The following PLEKHG6 variants were observed in gnomAD, a reference collection of about 807,000 sequenced individuals.
PLEKHG6 encodes the protein pleckstrin homology domain-containing family G member 6.
A neutral mutation model predicts 97.5 loss-of-function variants in PLEKHG6; 91 were observed. That is an observed-to-expected ratio of 0.93 (90% CI 0.79 to 1.11). The LOEUF (loss-of-function observed/expected upper bound fraction) is 1.11, where lower values mean the gene tolerates loss of function less well. PLEKHG6 is among the 50% of genes most tolerant of loss of function. The pLI is 0.00. For synonymous variants in PLEKHG6, 466 were observed against 425.5 expected (o/e 1.10, Z -1.17); for missense variants, 1,044 against 1,031.0 (o/e 1.01, Z -0.17).
intron 13 of PLEKHG6, among the ~76,000 whole-genome samples, chr12:6,320,262 G>A (rs1254326160): frequency 1.3e-5 from 2 of 152,174 alleles, no homozygotes; most frequent in Non-Finnish European, 2.9e-5. Context: ...AGTGATGTGA[G>A]CAGATAAAAA....
chr12:6,310,951 G>C (rs984866407), intron 1 of PLEKHG6, 103 bp downstream of exon 1: 3 of 152,440 alleles, frequency 2.0e-5, no homozygotes, highest in African/African-American at 7.2e-5. Flanking sequence ...CCGAAGGCGG[G>C]AGGAGGGGAG....
At chr12:6,319,694 T>C in intron 13 of PLEKHG6, 2 of 1,528,808 alleles carry the variant, frequency 1.3e-6, no homozygotes, top group Non-Finnish European at 1.7e-6. Context: ...CCTGAAATGA[T>C]TAACTTCTAG....
intron 12 of PLEKHG6, 26 bp downstream of exon 12, chr12:6,318,903 T>G: frequency 6.2e-7 from 1 of 1,614,040 alleles, no homozygotes; most frequent in South Asian, 1.1e-5. Context: ...AGGGAGTCTT[T>G]TCTTCTCCCT....
chr12:6,327,683 T>TGCTGA lies in PLEKHG6; in HGVS notation c.2101_2105dup (p.Asp702GlufsTer24). ...GCCAGCTTCCCTCCTCCCCAACCCATGCTGACTCTGCCGGGGAAAGCCCCT... is the reference window on the plus strand; with the variant it reads ...GCCAGCTTCCCTCCTCCCCAACCCATGCTGAGCTGACTCTGCCGGGGAAAGCCCCT... On this transcript the variant is annotated frameshift_variant, in exon 15 of 16. Transcript: ENST00000684764. LOFTEE classifies it high-confidence loss of function. 2.6e-6 allele frequency: 4 copies of TGCTGA among 1,562,636 alleles called. No homozygotes were observed. The highest frequency in any genetic ancestry group is 3.5e-6 in the Non-Finnish European group (4 of 1,151,864).
Position 6,313,718 on chromosome 12 carries a change from T to C in PLEKHG6, c.228T>C (p.Asp76=). The C allele has an allele frequency of 6.2e-7, 1 of 1,612,364 alleles. No individual in the cohort carries two copies. The stretch of plus-strand genomic sequence containing the variant: ...GCCTGTCACCCATGAGACTGCGAGA[T>C]CCAGAGCCCGAGAAGAGGCACGGGG... ...ARGLSPMRLR[D]PEPEKRHGGH... is the part of the protein sequence containing the mutation. Residue 76 remains aspartate (D), a synonymous_variant, in exon 3 of 16, where the codon GAT becomes GAC. Coordinates refer to ENST00000684764, the MANE Select transcript of PLEKHG6 (RefSeq NM_001384598.1).
chr12:6,326,034 C>T (rs1376176019), intron 13 of PLEKHG6, among the ~76,000 whole-genome samples: 4 of 152,256 alleles, frequency 2.6e-5, no homozygotes, highest in East Asian at 3.9e-4. Context: ...AGGCCGGGCA[C>T]GGTGGCTTAC....
intron 13 of PLEKHG6, among the ~76,000 whole-genome samples, chr12:6,320,275 A>C (rs1165760529): frequency 6.6e-6 from 1 of 151,884 alleles, no homozygotes; most frequent in African/African-American, 2.4e-5. Context: ...GATAAAAAGC[A>C]GGAGGAGTTC....
chr12:6,319,458 A>T, intron 13 of PLEKHG6: 1 of 1,342,144 alleles, frequency 7.5e-7, no homozygotes, highest in Non-Finnish European at 9.9e-7. Context: ...AGAAGGAAAA[A>T]AAAAAGAATG....
intron 1 of PLEKHG6, chr12:6,311,100 G>A (rs1278206381): frequency 6.6e-6 from 1 of 152,338 alleles, no homozygotes; most frequent in Non-Finnish European, 1.5e-5. Flanking sequence ...GGAAGGTAAG[G>A]GAGGGCTGAG....
At chr12:6,314,017 T>C (rs981544194) in intron 3 of PLEKHG6, among the ~76,000 whole-genome samples, 19 of 152,360 alleles carry the variant, frequency 1.2e-4, no homozygotes, top group Admixed American at 3.3e-4. Flanking sequence ...ACGATTGATA[T>C]TGAGCTTTCA....
intron 2 of PLEKHG6, 54 bp downstream of exon 2, chr12:6,312,418 C>A: frequency 6.6e-7 from 1 of 1,525,198 alleles, no homozygotes; most frequent in Non-Finnish European, 8.8e-7. Context: ...GGGAAGACAC[C>A]TAGGCTGTGG....
At position 6,322,482 on chromosome 12, in the gene PLEKHG6, C is replaced by T. The variant is rs370914156; in HGVS notation, c.1524+3374C>T. On this transcript the variant is annotated intron_variant, in intron 13 of 15. Transcript: ENST00000684764. ...CCTGCTTCCGGCTCGGTTCACTGTC[C>T]CCTCTGCATGGCAGGGACTTCTCTC... is the stretch of plus-strand genomic sequence containing the variant. Among the ~76,000 whole-genome samples the T allele has an allele frequency of 1.7e-4, 26 of 152,288 alleles. No individual in the cohort carries two copies. In the East Asian group the frequency reaches 5.0e-3, roughly 29 times the overall value.
At position 6,315,051 on chromosome 12, in the gene PLEKHG6, G is replaced by A. The variant is rs1947406905; in HGVS notation, c.341G>A (p.Ser114Asn). ...CTGGAGGTGAGGCTGCACACTTTCAGCATGTTTGGGATGCCCCGGCTGCCC... is the reference window on the plus strand; with the variant it reads ...CTGGAGGTGAGGCTGCACACTTTCAACATGTTTGGGATGCCCCGGCTGCCC... The part of the protein sequence containing the change: ...HELEVRLHTF[S>N]MFGMPRLPPE... The change falls in exon 4 of 16, where the codon AGC becomes AAC. Residue 114 changes from serine (S) to asparagine (N), a missense_variant. Transcript: ENST00000684764. This position sits in a 1 kb window ranked among gnomAD's most constrained non-coding sequence, Gnocchi z 4.5. 2 of 1,613,900 alleles carry A rather than the reference G, an allele frequency of 1.2e-6. No homozygotes were observed. The highest frequency in any genetic ancestry group is 1.7e-6 in the Non-Finnish European group (2 of 1,180,026).
rs1311988907 is a variant in PLEKHG6, at chr12:6,318,828, A to G, written c.1359A>G (p.Arg453=). 1 of 1,613,328 alleles carries G rather than the reference A, an allele frequency of 6.2e-7. No homozygotes were observed. The highest frequency in any genetic ancestry group is 8.5e-7 in the Non-Finnish European group (1 of 1,179,790). The change falls in exon 12 of 16, where the codon CGA becomes CGG. Residue 453 remains arginine (R), a synonymous_variant. Transcript: ENST00000684764. ...AGGCGGACAAAGCCAAGGTCATCCG[A>G]CCCCCTCTCATGCTGGAGAAGCTCG... ...QRKADKAKVI[R]PPLMLEKLVC...
At chr12:6,320,672 C>G (rs1947674610) in intron 13 of PLEKHG6, among the ~76,000 whole-genome samples, 1 of 152,160 alleles carries the variant, frequency 6.6e-6, no homozygotes, top group South Asian at 2.1e-4. Context: ...TGCGAAGACT[C>G]TTTTTCGAAA....
rs1013935861 is a variant in PLEKHG6 at position 6,316,593 on chromosome 12, T to G, written c.756+189T>G. The stretch of plus-strand genomic sequence containing the variant: ...GTCTGACCTCTGTGCCACAGGCTCC[T>G]TGTTCTTCTGGAGGCCTTTATGAAA... On this transcript the variant is annotated intron_variant, in intron 7 of 15. Transcript: ENST00000684764. The surrounding 1 kb of genome is among the most constrained non-coding windows in gnomAD (Gnocchi z 4.1). Among the ~76,000 whole-genome samples, 5 of 152,208 alleles carry G rather than the reference T, an allele frequency of 3.3e-5. No homozygotes were observed. The highest frequency in any genetic ancestry group is 3.3e-4 in the Admixed American group (5 of 15,290).
chr12:6,327,321 CT>C lies in PLEKHG6; in HGVS notation c.1740del (p.Val581CysfsTer13). The C allele has an allele frequency of 6.2e-7, 1 of 1,614,002 alleles. No homozygotes were observed. Among genetic ancestry groups the C allele is most frequent in the Non-Finnish European group, 8.5e-7 (1 of 1,179,910 alleles). On this transcript the variant is annotated frameshift_variant, in exon 15 of 16. Coordinates refer to ENST00000684764, the MANE Select transcript of PLEKHG6 (RefSeq NM_001384598.1). LOFTEE classifies it high-confidence loss of function. ...AGAAGACACAGATGAAGATGCTCCC[CT>C]TGTGCCAGATGATACCTCAGACTCT... is the stretch of plus-strand genomic sequence containing the variant. ...VTEDTDEDAP[L>X]VPDDTSDSGY...
intron 2 of PLEKHG6, chr12:6,312,651 A>G (rs1947315446): frequency 1.6e-6 from 2 of 1,232,186 alleles, no homozygotes; most frequent in Non-Finnish European, 2.0e-6. Context: ...GGGTAAGGTC[A>G]TCAAACCCCA....
intron 13 of PLEKHG6, 22 bp downstream of exon 13, chr12:6,319,130 G>A: frequency 6.5e-7 from 1 of 1,527,712 alleles, no homozygotes; most frequent in Non-Finnish European, 9.0e-7. Context: ...CCAGCAACGG[G>A]GAGGCATGGG....
Sources: allele counts gnomAD v4.1 joint callset (sites outside exome capture counted in the v4.1 genomes callset), GRCh38; gene constraint gnomAD v4.1.1; non-coding constraint Gnocchi (gnomAD v3.1); transcripts MANE v1.5; gene names NCBI Gene and HGNC (gene_info 2026-07-23, HGNC 2026-07-21).